Variants in RB1 observed in about 807,000 individuals in gnomAD.
The protein encoded by RB1 is RB transcriptional corepressor 1, also known as retinoblastoma-associated protein.
In RB1, 18 loss-of-function variants were observed where a neutral mutation model predicts 135.4. That is an observed-to-expected ratio of 0.13 (90% CI 0.09 to 0.20). RB1 has a LOEUF of 0.20. RB1 is among the 10% of genes least tolerant of loss of function. The probability of loss-of-function intolerance (pLI) is 1.00; values close to 1 mark genes in which losing one functional copy is unlikely to be tolerated. For missense variants in RB1, 868 were observed against 1,110.0 expected (o/e 0.78, Z 3.10); for synonymous variants, 365 against 373.2 (o/e 0.98, Z 0.25).
chr13:48,372,607 C>T lies in RB1; in HGVS notation c.1128-798C>T, dbSNP rs7333971. Reference sequence around the variant, plus strand: ...TGGAGGTTGCAGTGAGCCAAGATTGCGCCACTGCACTCCAGCCTGGGCGAC... The same window carrying T: ...TGGAGGTTGCAGTGAGCCAAGATTGTGCCACTGCACTCCAGCCTGGGCGAC... On this transcript the variant is annotated intron_variant, in intron 11 of 26. Coordinates refer to ENST00000267163, the MANE Select transcript of RB1 (RefSeq NM_000321.3). Among the ~76,000 whole-genome samples the T allele has an allele frequency of 6.6e-3, 1,005 of 151,314 alleles. 15 individuals are homozygous for T. Among genetic ancestry groups the T allele is most frequent in the African/African-American group, 0.023 (946 of 41,198 alleles).
chr13:48,325,078 AG>A (rs11309586), intron 2 of RB1, among the ~76,000 whole-genome samples: 1,607 of 152,120 alleles, frequency 0.011, 28 homozygotes, highest in African/African-American at 0.037. Context: ...TTCATTGCCC[AG>A]GAATGAAGTC....
At chr13:48,370,177 A>G (rs1478325677) in intron 11 of RB1, among the ~76,000 whole-genome samples, 1 of 152,200 alleles carries the variant, frequency 6.6e-6, no homozygotes, top group African/African-American at 2.4e-5. Flanking sequence ...GGGAGTGGGA[A>G]CAGCATGTTC....
intron 11 of RB1, among the ~76,000 whole-genome samples, chr13:48,372,022 T>G (rs887261416): frequency 1.3e-5 from 2 of 152,118 alleles, no homozygotes; most frequent in African/African-American, 4.8e-5. Context: ...TGATTTGAGG[T>G]AGAACAGTTC....
chr13:48,406,452 G>A (rs1948740726), intron 17 of RB1: 1 of 152,130 alleles, frequency 6.6e-6, no homozygotes, highest in South Asian at 2.1e-4. Flanking sequence ...CCTTTAAATT[G>A]TATAAATATA....
intron 2 of RB1, among the ~76,000 whole-genome samples, chr13:48,334,768 G>T (rs1476742154): frequency 1.3e-5 from 2 of 152,122 alleles, no homozygotes; most frequent in African/African-American, 4.8e-5. Flanking sequence ...AAAAAAGCGA[G>T]TATAAGTTGT....
intron 17 of RB1, among the ~76,000 whole-genome samples, chr13:48,382,308 C>G (rs558616865): frequency 3.9e-5 from 6 of 152,118 alleles, no homozygotes; most frequent in Non-Finnish European, 8.8e-5. Context: ...GTTTACAGTC[C>G]CACCAACAGT....
At chr13:48,427,251 G>A (rs1332341844) in intron 17 of RB1, among the ~76,000 whole-genome samples, 1 of 39,122 alleles carries the variant, frequency 2.6e-5, no homozygotes. Context: ...TCCAGCATTG[G>A]GGAGCACACT....
At chr13:48,411,272 T>TA (rs1332637570) in intron 17 of RB1, 1 of 854,742 alleles carries the variant, frequency 1.2e-6, no homozygotes. Context: ...CTAAAGACTT[T>TA]AAAATGTCCA....
intron 2 of RB1, among the ~76,000 whole-genome samples, chr13:48,316,183 C>A (rs1250276000): frequency 6.6e-6 from 1 of 151,824 alleles, no homozygotes; most frequent in Non-Finnish European, 1.5e-5. Context: ...TGCTTGCTGG[C>A]CATTGTGCTT....
chr13:48,446,221 G>T (rs142199756), intron 17 of RB1, among the ~76,000 whole-genome samples: 1 of 152,080 alleles, frequency 6.6e-6, no homozygotes, highest in Admixed American at 6.5e-5. Context: ...GCCTTCCAAG[G>T]TGCTGGGATT....
At chr13:48,325,436 A>G (rs1487482848) in intron 2 of RB1, among the ~76,000 whole-genome samples, 1 of 152,190 alleles carries the variant, frequency 6.6e-6, no homozygotes, top group African/African-American at 2.4e-5. Flanking sequence ...AGTCTTACTT[A>G]TCTACACCTT....
chr13:48,353,786 A>C (rs1952568746), intron 6 of RB1, among the ~76,000 whole-genome samples: 1 of 152,152 alleles, frequency 6.6e-6, no homozygotes, highest in South Asian at 2.1e-4. Context: ...AGGATGGTTC[A>C]ACATAAACAA....
rs573570649 is a variant in RB1 at position 48,441,628 on chromosome 13, T to C, written c.1696-11365T>C. Among the ~76,000 whole-genome samples the C allele has an allele frequency of 4.6e-5, 7 of 152,330 alleles. No homozygotes were observed. In the South Asian group the frequency reaches 1.5e-3, roughly 32 times the overall value. ...CAATACAATTTTTAATAGTGTTGTTTAATTTTTAAGTGTTATTTACTAGAA... is the reference window on the plus strand; with the variant it reads ...CAATACAATTTTTAATAGTGTTGTTCAATTTTTAAGTGTTATTTACTAGAA... On this transcript the variant is annotated intron_variant, in intron 17 of 26. Coordinates refer to ENST00000267163, the MANE Select transcript of RB1 (RefSeq NM_000321.3).
chr13:48,476,670 G>T (rs1454023581), intron 24 of RB1, 31 bp from the exon 25 acceptor site: 9 of 1,603,220 alleles, frequency 5.6e-6, no homozygotes, highest in Non-Finnish European at 7.7e-6. Context: ...GGCATTTAAT[G>T]ATTTAAAGTA....
intron 23 of RB1, among the ~76,000 whole-genome samples, chr13:48,471,336 C>T (rs1343065901): frequency 9.4e-5 from 6 of 64,092 alleles, no homozygotes; most frequent in East Asian, 4.4e-4. Context: ...CGCATATTCT[C>T]ACTCATAGGT....
chr13:48,344,561 T>A (rs1387077767), intron 3 of RB1, among the ~76,000 whole-genome samples: 1 of 151,854 alleles, frequency 6.6e-6, no homozygotes, highest in Non-Finnish European at 1.5e-5. Context: ...AGTCCAGAAC[T>A]GGGAGTCAGT....
At chr13:48,328,593 C>A in intron 2 of RB1, 1 of 636,886 alleles carries the variant, frequency 1.6e-6, no homozygotes, top group Non-Finnish European at 2.9e-6. Context: ...TTTAAGATTT[C>A]AGAAATCTTT....
Position 48,463,879 on chromosome 13 carries a change from C to T in RB1, c.2211+44C>T, listed in dbSNP as rs756788616. 1.5e-5 allele frequency: 16 copies of T among 1,086,234 alleles called. No homozygotes were observed. The Admixed American group carries it at 2.4e-4, about 16-fold the overall frequency. 67.3% of individuals were successfully genotyped at this position (1,086,234 alleles called of 1,614,324 possible). On this transcript the variant is annotated intron_variant, in intron 21 of 26. Transcript: ENST00000267163. ...TAAGTTTTTTTGATAAATCCATATC[C>T]ATAACATAACATAGGTAATTCATTT... is the stretch of plus-strand genomic sequence containing the variant.
intron 17 of RB1, among the ~76,000 whole-genome samples, chr13:48,382,439 T>C (rs1190616064): frequency 6.6e-6 from 1 of 152,234 alleles, no homozygotes; most frequent in Non-Finnish European, 1.5e-5. Context: ...TGCATTTCTC[T>C]GATGGCCAGT....
Sources: allele counts gnomAD v4.1 joint callset (sites outside exome capture counted in the v4.1 genomes callset), GRCh38; gene constraint gnomAD v4.1.1; transcripts MANE v1.5; gene names NCBI Gene and HGNC (gene_info 2026-07-23, HGNC 2026-07-21).